The following DSE variants were observed in gnomAD, a reference collection of about 807,000 sequenced individuals.
The protein encoded by DSE is dermatan-sulfate epimerase.
DSE carries 36 observed loss-of-function variants against 84.4 expected under a neutral mutation model. The observed-to-expected ratio is 0.43, with a 90% CI of 0.33 to 0.56. The LOEUF is 0.56. Among genes scored for constraint, DSE ranks in the 20% least tolerant of loss-of-function variants. The pLI is 0.06. For missense variants in DSE, 862 were observed against 1,169.6 expected (o/e 0.74, Z 3.84); for synonymous variants, 410 against 430.1 (o/e 0.95, Z 0.58).
chr6:116,436,767 A>C lies in DSE; in HGVS notation c.2299A>C (p.Thr767Pro). The change falls in exon 6 of 6, where the codon ACA becomes CCA. Residue 767 changes from threonine (T) to proline (P), a missense_variant. By Grantham distance (38) the Thr-to-Pro change is conservative. Transcript: ENST00000644252. ...GCAGATACTGTCCCGAGTCCGGAAC[A>C]CAGCTAGCTTTAGGAAGACTGCTGA... ...EKQILSRVRN[T>P]ASFRKTAERL... is the part of the protein sequence containing the mutation. 1 of 1,614,192 alleles carries C rather than the reference A, an allele frequency of 6.2e-7. No homozygotes were observed. Among genetic ancestry groups the C allele is most frequent in the East Asian group, 2.2e-5 (1 of 44,890 alleles).
At chr6:116,320,420 G>T (rs1276402108) in intron 2 of DSE, among the ~76,000 whole-genome samples, 1 of 151,256 alleles carries the variant, frequency 6.6e-6, no homozygotes, top group East Asian at 1.9e-4. Flanking sequence ...TCTAGATAAA[G>T]AACTTATTAG....
chr6:116,359,598 C>T (rs142095577), intron 2 of DSE, among the ~76,000 whole-genome samples: 16 of 152,182 alleles, frequency 1.1e-4, no homozygotes, highest in African/African-American at 3.1e-4. Context: ...TTTCAGAGAA[C>T]GACAGCTGAT....
intron 2 of DSE, among the ~76,000 whole-genome samples, chr6:116,311,017 A>G (rs565294184): frequency 6.6e-6 from 1 of 152,270 alleles, no homozygotes; most frequent in Admixed American, 6.5e-5. Context: ...CCAGTGTGCC[A>G]TGCTCCTCCT....
chr6:116,391,603 A>G (rs567087098), intron 1 of DSE, among the ~76,000 whole-genome samples: 223 of 152,046 alleles, frequency 1.5e-3, no homozygotes, highest in African/African-American at 5.2e-3. Context: ...CGTCTCTACT[A>G]AAAATACAAA....
intron 2 of DSE, among the ~76,000 whole-genome samples, chr6:116,361,062 TG>T (rs1335256245): frequency 3.3e-5 from 5 of 152,178 alleles, no homozygotes; most frequent in Non-Finnish European, 7.3e-5. Context: ...TGAAGTTTTT[TG>T]TTTTGTTTTT....
At chr6:116,411,523 A>C (rs1310050134) in intron 2 of DSE, among the ~76,000 whole-genome samples, 1 of 152,228 alleles carries the variant, frequency 6.6e-6, no homozygotes, top group Non-Finnish European at 1.5e-5. Flanking sequence ...TGAAGTGTAG[A>C]TAGCTATTAG....
At chr6:116,407,692 G>C (rs903110737) in intron 2 of DSE, among the ~76,000 whole-genome samples, 5 of 152,006 alleles carry the variant, frequency 3.3e-5, no homozygotes, top group Non-Finnish European at 7.4e-5. Context: ...GCCACTCTAC[G>C]AATGCATTTT....
chr6:116,299,503 T>TA (rs1265940769), intron 2 of DSE, among the ~76,000 whole-genome samples: 263 of 2,024 alleles, frequency 0.13, 18 homozygotes, highest in Non-Finnish European at 0.22. Context: ...TTGAATTATT[T>TA]TTATATATAT....
At position 116,331,696 on chromosome 6, in the gene DSE, C is replaced by T. The variant is rs143410052; in HGVS notation, c.-53-67502C>T. 1.7e-3 allele frequency among the ~76,000 whole-genome samples: 262 copies of T among 152,254 alleles called. 1 individual carries two copies. Among genetic ancestry groups the T allele is most frequent in the African/African-American group, 5.8e-3 (240 of 41,540 alleles). On this transcript the variant is annotated intron_variant, in intron 2 of 3. Transcript: ENST00000430252. Reference sequence around the variant, plus strand: ...CAAGTAGGCCGGGCACAGTGGCTCACGCCTGTAGTCCCAGCACTTTGGGAG... The same window carrying T: ...CAAGTAGGCCGGGCACAGTGGCTCATGCCTGTAGTCCCAGCACTTTGGGAG...
chr6:116,349,009 C>A (rs535664071), intron 2 of DSE, among the ~76,000 whole-genome samples: 1 of 152,010 alleles, frequency 6.6e-6, no homozygotes, highest in Admixed American at 6.6e-5. Context: ...AGGAGATATA[C>A]CTAATGTAAA....
At chr6:116,279,939 A>G in intron 2 of DSE, 3 of 1,517,798 alleles carry the variant, frequency 2.0e-6, no homozygotes, top group Non-Finnish European at 2.7e-6. Flanking sequence ...CTAACATTTC[A>G]GCGGCGGTGT....
chr6:116,339,391 G>A (rs977659328), intron 2 of DSE, among the ~76,000 whole-genome samples: 1 of 151,868 alleles, frequency 6.6e-6, no homozygotes, highest in African/African-American at 2.4e-5. Context: ...TTGGAATTTG[G>A]GGTTGATGAA....
intron 5 of DSE, 110 bp downstream of exon 5, chr6:116,433,660 C>A (rs1398126218): frequency 1.3e-5 from 15 of 1,133,958 alleles, no homozygotes; most frequent in Admixed American, 2.5e-5. Flanking sequence ...CTTTTTAAAT[C>A]TTTTCTCCAT....
At position 116,299,557 on chromosome 6, in the gene DSE, T is replaced by TATAC. The variant is rs1562213648; in HGVS notation, c.-54+40591_-54+40592insTACA. Among the ~76,000 whole-genome samples, 42 of 69,312 alleles carry TATAC rather than the reference T, an allele frequency of 6.1e-4. 1 individual carries two copies. Among genetic ancestry groups the TATAC allele is most frequent in the East Asian group, 3.6e-3 (2 of 562 alleles). 45.5% of individuals were successfully genotyped at this position (69,312 alleles called of 152,430 possible). On this transcript the variant is annotated intron_variant, in intron 2 of 3. Transcript: ENST00000430252. ...ATATATATATATATATATATACACA[T>TATAC]ACACACACACACACACATACATATA...
chr6:116,329,725 T>A (rs1351853622), intron 2 of DSE, among the ~76,000 whole-genome samples: 1 of 152,250 alleles, frequency 6.6e-6, no homozygotes, highest in Non-Finnish European at 1.5e-5. Flanking sequence ...AAGATTAATT[T>A]GACAAAGCAT....
chr6:116,408,114 T>C lies in DSE; in HGVS notation c.416+8448T>C, dbSNP rs1782053097. Among the ~76,000 whole-genome samples, 2 of 152,218 alleles carry C rather than the reference T, an allele frequency of 1.3e-5. 1 individual carries two copies. The highest frequency in any genetic ancestry group is 4.1e-4 in the South Asian group (2 of 4,834). On this transcript the variant is annotated intron_variant, in intron 2 of 5. Transcript: ENST00000644252. ...CCCTCATCCAACCCAATTCCTATAG[T>C]TACTTTTTATTTAATTCATTGGTTT...
chr6:116,425,737 C>T (rs958330612), intron 2 of DSE, among the ~76,000 whole-genome samples: 1 of 150,960 alleles, frequency 6.6e-6, no homozygotes, highest in African/African-American at 2.4e-5. Context: ...ATTCTCCTGC[C>T]TCAGCCTCCC....
At chr6:116,397,506 C>T (rs1781336198) in intron 1 of DSE, among the ~76,000 whole-genome samples, 2 of 152,086 alleles carry the variant, frequency 1.3e-5, no homozygotes, top group South Asian at 4.1e-4. Context: ...CGTGCCTGGC[C>T]GGTATATTGT....
At chr6:116,375,480 G>A (rs1291754444) in intron 1 of DSE, 9 of 968,348 alleles carry the variant, frequency 9.3e-6, no homozygotes, top group Non-Finnish European at 9.8e-6. Context: ...CTCCAGCCTG[G>A]GCGACAGAGC....
Sources: allele counts gnomAD v4.1 joint callset (sites outside exome capture counted in the v4.1 genomes callset), GRCh38; gene constraint gnomAD v4.1.1; transcripts MANE v1.5; gene names NCBI Gene and HGNC (gene_info 2026-07-23, HGNC 2026-07-21).